Variants in BPIFB2 observed in about 807,000 individuals in gnomAD.
BPIFB2 encodes BPI fold-containing family B member 2.
Under a neutral mutation model 50.1 loss-of-function variants are expected in BPIFB2, and 39 were observed. The observed-to-expected ratio is 0.78, with a 90% confidence interval of 0.60 to 1.02. The LOEUF is 1.02. Among genes scored for constraint, BPIFB2 ranks in the 50% least tolerant of loss-of-function variants. BPIFB2 has a pLI of 0.00. For synonymous variants in BPIFB2, 280 were observed against 256.3 expected (o/e 1.09, Z -0.88); for missense variants, 574 against 585.8 (o/e 0.98, Z 0.21).
At chr20:33,017,898 T>C (rs940657383) in intron 7 of BPIFB2, among the ~76,000 whole-genome samples, 2 of 152,252 alleles carry the variant, frequency 1.3e-5, no homozygotes, top group Non-Finnish European at 2.9e-5. Context: ...GTGAGAGTTC[T>C]CTTCTTTTTC....
In BPIFB2 at chr20:33,023,370, T is replaced by G; in HGVS notation, c.1364T>G (p.Phe455Cys). 1 of 1,614,044 alleles carries G rather than the reference T, an allele frequency of 6.2e-7. No homozygotes were observed. The highest frequency in any genetic ancestry group is 8.5e-7 in the Non-Finnish European group (1 of 1,179,942). Residue 455 changes from phenylalanine (F) to cysteine (C), a missense_variant, in exon 16 of 16, where the codon TTC becomes TGC. Physicochemically the swap from Phe to Cys is radical, Grantham distance 205. Coordinates refer to ENST00000170150, the MANE Select transcript of BPIFB2 (RefSeq NM_025227.3). ...TACGTGGTGATATCCAGTGGACTCT[T>G]CTACCAGAGCTGAGGCAAGACCACT... ...EGYVVISSGL[F>C]YQS
intron 1 of BPIFB2, 82 bp from the exon 2 acceptor site, chr20:33,008,459 T>C (rs1600509353): frequency 1.3e-6 from 1 of 741,146 alleles, no homozygotes; most frequent in Non-Finnish European, 2.1e-6. Context: ...CAGGGCTTGT[T>C]CCCTCCAGGC....
intron 8 of BPIFB2, 127 bp from the exon 9 acceptor site, chr20:33,018,509 AC>A (rs1978518669): frequency 8.4e-6 from 11 of 1,314,638 alleles, no homozygotes; most frequent in Non-Finnish European, 1.2e-5. Context: ...AGTGTGAACT[AC>A]ACATGTGGCA....
rs140851215 is a variant in BPIFB2, at chr20:33,011,109, G to C, written c.195G>C (p.Gln65His). 1.9e-6 allele frequency: 3 copies of C among 1,613,720 alleles called. No individual in the cohort carries two copies. The highest frequency in any genetic ancestry group is 2.5e-6 in the Non-Finnish European group (3 of 1,179,758). Residue 65 changes from glutamine to histidine, a missense_variant, in exon 3 of 16, where the codon CAG becomes CAC. Physicochemically the swap from Gln to His is conservative, Grantham distance 24. Coordinates refer to ENST00000170150, the MANE Select transcript of BPIFB2 (RefSeq NM_025227.3). ...HFLDWSGEALQPTRIRILNVH... is the reference protein window; with the variant it reads ...HFLDWSGEALHPTRIRILNVH... ...TGGACTGGAGTGGAGAGGCGCTTCA[G>C]CCCACCAGGTGAGTGCTCCCCTCCT...
Position 33,018,759 on chromosome 20 carries a change from T to A in BPIFB2, c.792T>A (p.Phe264Leu). 1 of 1,614,218 alleles carries A rather than the reference T, an allele frequency of 6.2e-7. No homozygotes were observed. ...CCGTGGGCCTCTCCCAGCAGCTGTT[T>A]GACTCTGCGCTCCTGCTGCTGCAGA... ...MATVGLSQQL[F>L]DSALLLLQKA... Residue 264 changes from phenylalanine to leucine, a missense_variant, in exon 9 of 16, where the codon TTT (phenylalanine) becomes TTA (leucine). By Grantham distance (22) the Phe-to-Leu change is conservative. Coordinates refer to ENST00000170150, the MANE Select transcript of BPIFB2 (RefSeq NM_025227.3).
At chr20:33,013,055 G>A in intron 4 of BPIFB2, 148 bp downstream of exon 4, 1 of 629,958 alleles carries the variant, frequency 1.6e-6, no homozygotes, top group Non-Finnish European at 2.8e-6. Context: ...CCTCACGCTT[G>A]GAGGGGAGCA....
At chr20:33,015,013 CCA>C (rs1358023516) in intron 5 of BPIFB2, among the ~76,000 whole-genome samples, 8 of 152,126 alleles carry the variant, frequency 5.3e-5, no homozygotes, top group Admixed American at 5.2e-4. Flanking sequence ...AAACGGAGGC[CCA>C]GAGTCAGGAA....
intron 5 of BPIFB2, among the ~76,000 whole-genome samples, chr20:33,014,414 G>A (rs1600512484): frequency 6.6e-6 from 1 of 152,236 alleles, no homozygotes; most frequent in East Asian, 1.9e-4. Context: ...TATGTGTGCT[G>A]AGCATTGTTC....
chr20:33,018,437 A>G, intron 8 of BPIFB2, 87 bp downstream of exon 8: 1 of 1,368,890 alleles, frequency 7.3e-7, no homozygotes, highest in Non-Finnish European at 1.0e-6. Context: ...GGAGCGGGGG[A>G]GTGGGAAAGG....
chr20:33,015,583 G>T (rs1978389037), intron 6 of BPIFB2, 87 bp downstream of exon 6: 3 of 1,220,086 alleles, frequency 2.5e-6, no homozygotes, highest in Admixed American at 4.7e-5. Flanking sequence ...CAGGCAGGGG[G>T]TACTTTGCTT....
chr20:33,022,845 G>A (rs1978725203), intron 15 of BPIFB2, among the ~76,000 whole-genome samples: 2 of 152,162 alleles, frequency 1.3e-5, no homozygotes, highest in Non-Finnish European at 2.9e-5. Flanking sequence ...GCTACACTGG[G>A]GCAGGAACTG....
chr20:33,018,949 G>C, intron 9 of BPIFB2, 113 bp from the exon 10 acceptor site: 2 of 1,575,406 alleles, frequency 1.3e-6, no homozygotes, highest in Non-Finnish European at 1.7e-6. Context: ...CAGGGTGGCT[G>C]TTGGAAGGGT....
Position 33,016,220 on chromosome 20 carries a change from C to A in BPIFB2, c.516+724C>A, listed in dbSNP as rs573038951. 4.1e-4 allele frequency among the ~76,000 whole-genome samples: 63 copies of A among 152,198 alleles called. 2 individuals carry two copies. The South Asian group carries it at 0.013, about 31-fold the overall frequency. On this transcript the variant is annotated intron_variant, in intron 6 of 15. Coordinates refer to ENST00000170150, the MANE Select transcript of BPIFB2 (RefSeq NM_025227.3). ...ATGCCACCCCACACCCCCCAGAGGGCGACTGCAACATGCCCACCTTACAGA... is the reference window on the plus strand; with the variant it reads ...ATGCCACCCCACACCCCCCAGAGGGAGACTGCAACATGCCCACCTTACAGA...
chr20:33,020,432 G>A, intron 12 of BPIFB2, 37 bp downstream of exon 12: 1 of 1,610,992 alleles, frequency 6.2e-7, no homozygotes, highest in South Asian at 1.1e-5. Flanking sequence ...GCCTCAGTGT[G>A]TTCTTCTGTG....
rs1302125773 is a variant in BPIFB2 at position 33,008,690 on chromosome 20, G to A, written c.109+7G>A. ...AAGGCAGCATTGAGCTACGGTAAGC[G>A]GTGTGTTACCCAGTGAGTGTCTGTG... On this transcript the variant is annotated splice_region_variant and intron_variant, in intron 2 of 15. Coordinates refer to ENST00000170150, the MANE Select transcript of BPIFB2 (RefSeq NM_025227.3). The A allele has an allele frequency of 5.0e-6, 8 of 1,590,412 alleles. No individual in the cohort carries two copies. The highest frequency in any genetic ancestry group is 2.3e-5 in the East Asian group (1 of 43,554).
At chr20:33,015,381 G>C (rs1978380133) in intron 5 of BPIFB2, 55 bp from the exon 6 acceptor site, 1 of 1,513,488 alleles carries the variant, frequency 6.6e-7, no homozygotes, top group African/African-American at 1.4e-5. Flanking sequence ...TGTGCTGAGT[G>C]ACGGGACTTA....
At chr20:33,008,102 T>G (rs1990233890) in intron 1 of BPIFB2, among the ~76,000 whole-genome samples, 2 of 152,156 alleles carry the variant, frequency 1.3e-5, no homozygotes, top group South Asian at 4.1e-4. Flanking sequence ...GGTCCTCCCC[T>G]GGCTGAATTT....
At position 33,021,310 on chromosome 20, in the gene BPIFB2, C is replaced by A; in HGVS notation, c.1224C>A (p.Thr408=). ...DTDQVRTLMG[T]VFEKPLLDHL... ...ATCAGGTGCGCACACTGATGGGCAC[C>A]GTTTTTGAGAAGCCCCTGCTGGACC... Residue 408 remains threonine, a synonymous_variant, in exon 14 of 16, where the codon ACC becomes ACA. Transcript: ENST00000170150. 1 of 1,613,910 alleles carries A rather than the reference C, an allele frequency of 6.2e-7. No individual in the cohort carries two copies. The highest frequency in any genetic ancestry group is 8.5e-7 in the Non-Finnish European group (1 of 1,179,972).
Position 33,011,132 on chromosome 20 carries a change from C to T in BPIFB2, c.203+15C>T, listed in dbSNP as rs1449180753. The T allele has an allele frequency of 3.1e-6, 5 of 1,610,342 alleles. No homozygotes were observed. The highest frequency in any genetic ancestry group is 4.2e-6 in the Non-Finnish European group (5 of 1,176,986). ...CAGCCCACCAGGTGAGTGCTCCCCT[C>T]CTCCAGAGAAGGTGCTCCTGCCACC... On this transcript the variant is annotated intron_variant, in intron 3 of 15. Transcript: ENST00000170150.
Sources: gnomAD v4.1 joint callset for allele counts (sites outside exome capture counted in the v4.1 genomes callset) on GRCh38, gnomAD v4.1.1 for gene constraint, MANE v1.5 for transcripts, NCBI Gene and HGNC (gene_info 2026-07-23, HGNC 2026-07-21) for gene names.